Variants in SMIM31 observed in about 807,000 individuals in gnomAD.
SMIM31 encodes the protein small integral membrane protein 31.
chr4:164,763,977 T>C (rs12503241), intron 1 of SMIM31, among the ~76,000 whole-genome samples: 54,870 of 152,098 alleles, frequency 0.36, 11,960 homozygotes, highest in Non-Finnish European at 0.48. Context: ...AAGTGCTATA[T>C]CTATCTTTAG....
intron 1 of SMIM31, among the ~76,000 whole-genome samples, chr4:164,764,552 C>T (rs1476151804): frequency 1.4e-5 from 2 of 140,842 alleles, no homozygotes; most frequent in East Asian, 2.1e-4. Context: ...GGCGACAGAG[C>T]GAGACTCCAT....
At chr4:164,780,156 G>C (rs768898739) in intron 2 of SMIM31, among the ~76,000 whole-genome samples, 10 of 152,162 alleles carry the variant, frequency 6.6e-5, no homozygotes, top group Non-Finnish European at 1.2e-4. Context: ...GGCCGGGCGC[G>C]GTGGCTCACA....
At chr4:164,794,119 G>A (rs1284552301) in intron 2 of SMIM31, among the ~76,000 whole-genome samples, 1 of 152,200 alleles carries the variant, frequency 6.6e-6, no homozygotes, top group Non-Finnish European at 1.5e-5. Context: ...GCTCACGTCT[G>A]TAACCCCAGC....
intron 1 of SMIM31, among the ~76,000 whole-genome samples, chr4:164,758,727 G>A (rs1218440662): frequency 2.3e-5 from 3 of 128,930 alleles, no homozygotes; most frequent in Non-Finnish European, 3.1e-5. Context: ...TCCGCCTCCC[G>A]GGTTCACGCC....
intron 1 of SMIM31, among the ~76,000 whole-genome samples, chr4:164,768,894 C>T (rs1004541203): frequency 3.3e-5 from 5 of 152,124 alleles, no homozygotes; most frequent in African/African-American, 4.8e-5. Context: ...GATGAATGGC[C>T]GAATATGTCA....
At chr4:164,798,675 G>A (rs754001360) in intron 2 of SMIM31, among the ~76,000 whole-genome samples, 11 of 152,262 alleles carry the variant, frequency 7.2e-5, no homozygotes, top group East Asian at 1.9e-4. Flanking sequence ...ATTTAAGTCC[G>A]AAGACCGGAG....
intron 2 of SMIM31, among the ~76,000 whole-genome samples, chr4:164,782,601 G>A (rs1053417919): frequency 2.2e-4 from 33 of 146,814 alleles, no homozygotes; most frequent in Non-Finnish European, 4.4e-4. Context: ...GGATGGTCTC[G>A]TGAGCCACTG....
intron 2 of SMIM31, among the ~76,000 whole-genome samples, chr4:164,776,212 G>A (rs1189666779): frequency 6.6e-6 from 1 of 152,052 alleles, no homozygotes; most frequent in Non-Finnish European, 1.5e-5. Flanking sequence ...CTCCCTCTCT[G>A]TGGAACTTTC....
intron 1 of SMIM31, among the ~76,000 whole-genome samples, chr4:164,766,405 G>A (rs1412383551): frequency 6.6e-6 from 1 of 152,090 alleles, no homozygotes; most frequent in African/African-American, 2.4e-5. Context: ...ATGGGAAAAT[G>A]TACTATATGC....
chr4:164,776,830 T>C (rs568197741), intron 2 of SMIM31, among the ~76,000 whole-genome samples: 1 of 152,336 alleles, frequency 6.6e-6, no homozygotes, highest in South Asian at 2.1e-4. Flanking sequence ...ATACATCATC[T>C]TACTCATTCT....
intron 2 of SMIM31, among the ~76,000 whole-genome samples, chr4:164,799,736 A>G (rs1235784681): frequency 1.3e-5 from 2 of 152,222 alleles, no homozygotes; most frequent in African/African-American, 2.4e-5. Context: ...AAGTTGACAC[A>G]AAAAATTAAC....
At chr4:164,788,707 A>C (rs1281919907) in intron 2 of SMIM31, among the ~76,000 whole-genome samples, 1 of 151,038 alleles carries the variant, frequency 6.6e-6, no homozygotes, top group African/African-American at 2.4e-5. Context: ...GCTGGTATCG[A>C]ACTCCTGACC....
At chr4:164,777,206 A>C (rs1240338505) in intron 2 of SMIM31, among the ~76,000 whole-genome samples, 2 of 152,244 alleles carry the variant, frequency 1.3e-5, no homozygotes, top group Non-Finnish European at 2.9e-5. Context: ...AATTGAAAAC[A>C]GATTTTAATG....
intron 2 of SMIM31, among the ~76,000 whole-genome samples, chr4:164,780,437 C>CA (rs1732934948): frequency 6.6e-6 from 1 of 152,242 alleles, no homozygotes; most frequent in South Asian, 2.1e-4. Context: ...AAAAAACAAA[C>CA]AAAAAACGAA....
At chr4:164,771,018 T>C (rs1005207532) in intron 2 of SMIM31, among the ~76,000 whole-genome samples, 6 of 152,174 alleles carry the variant, frequency 3.9e-5, no homozygotes, top group Non-Finnish European at 8.8e-5. Context: ...TGTATATGTG[T>C]GTGTAAATAT....
intron 2 of SMIM31, among the ~76,000 whole-genome samples, chr4:164,790,126 G>A (rs1375458554): frequency 6.6e-6 from 1 of 152,122 alleles, no homozygotes; most frequent in South Asian, 2.1e-4. Context: ...CACAGCATCA[G>A]AATTCTTCTA....
chr4:164,773,283 T>C (rs4692008), intron 2 of SMIM31, among the ~76,000 whole-genome samples: 21,442 of 152,084 alleles, frequency 0.14, 2,364 homozygotes, highest in East Asian at 0.4. Context: ...GGCTCTGCCA[T>C]TGGGTAATTC....
intron 2 of SMIM31, among the ~76,000 whole-genome samples, chr4:164,777,545 C>T (rs1003031336): frequency 1.3e-5 from 2 of 152,304 alleles, no homozygotes; most frequent in Admixed American, 6.5e-5. Flanking sequence ...CACCTGCACA[C>T]TAGGCCCTGT....
intron 2 of SMIM31, among the ~76,000 whole-genome samples, chr4:164,791,987 A>G (rs11728336): frequency 0.55 from 83,228 of 152,094 alleles, 23,332 homozygotes; most frequent in South Asian, 0.63. Flanking sequence ...CAGCTGCACA[A>G]GATTTTCTGG....
Sources: gnomAD v4.1 joint callset for allele counts (sites outside exome capture counted in the v4.1 genomes callset) on GRCh38, gnomAD v4.1.1 for gene constraint, MANE v1.5 for transcripts, NCBI Gene and HGNC (gene_info 2026-07-23, HGNC 2026-07-21) for gene names.